Variants in GLRX observed in about 807,000 individuals in gnomAD.
GLRX encodes the protein glutaredoxin-1.
GLRX carries 9 observed loss-of-function variants against 11.1 expected under a neutral mutation model. That is an observed-to-expected ratio of 0.81 (90% CI 0.49 to 1.42). GLRX has a LOEUF of 1.42. GLRX is among the 40% of genes most tolerant of loss of function. GLRX has a pLI of 0.00. For synonymous variants in GLRX, 49 were observed against 49.5 expected, an observed-to-expected ratio of 0.99 and a Z score of 0.04; for missense variants, 102 against 126.2, an observed-to-expected ratio of 0.81 and a Z score of 0.92.
At chr5:95,814,786 T>C (rs750314510) in intron 2 of GLRX, 3 of 152,596 alleles carry the variant, frequency 2.0e-5, no homozygotes, top group Admixed American at 6.6e-5. Flanking sequence ...AAAACCAAGA[T>C]GGCCCGTCAA....
At chr5:95,821,302 C>T (rs1747226924) in intron 1 of GLRX, among the ~76,000 whole-genome samples, 1 of 152,116 alleles carries the variant, frequency 6.6e-6, no homozygotes, top group Admixed American at 6.5e-5. Flanking sequence ...GTTTGCACTG[C>T]CCTTTACACC....
Position 95,814,146 on chromosome 5 carries a change from T to C in GLRX, c.*250A>G, listed in dbSNP as rs975902281. ...GATACACTCTTGGTGTAGGGGGCTGTAAGTTTTATCAGATGTTTTACATTT... is the reference window on the plus strand; with the variant it reads ...GATACACTCTTGGTGTAGGGGGCTGCAAGTTTTATCAGATGTTTTACATTT... On this transcript the variant is annotated 3_prime_UTR_variant, in exon 3 of 3. Coordinates refer to ENST00000237858, the MANE Select transcript of GLRX (RefSeq NM_001118890.2). 1.3e-5 allele frequency: 2 copies of C among 152,446 alleles called. No homozygotes were observed. Among genetic ancestry groups the C allele is most frequent in the Admixed American group, 1.3e-4 (2 of 15,286 alleles). The allele number at this position is 152,446 out of a possible 1,614,324, so 9.4% of individuals were successfully genotyped here.
chr5:95,822,477 T>C lies in GLRX; in HGVS notation c.186A>G (p.Gln62=). 1.9e-6 allele frequency: 3 copies of C among 1,613,866 alleles called. No homozygotes were observed. Among genetic ancestry groups the C allele is most frequent in the South Asian group, 1.1e-5 (1 of 91,070 alleles). Residue 62 remains glutamine, a synonymous_variant, in exon 1 of 3, where the codon CAA becomes CAG. Transcript: ENST00000237858. ...NHTNEIQDYL[Q]QLTGARTVPR... ...TCACCGTTCTTGCTCCCGTGAGCTG[T>C]TGCAAATAATCTTGAATCTCGTTAG...
In GLRX at chr5:95,814,301, T is replaced by A. The variant is rs572397637; in HGVS notation, c.*95A>T. On this transcript the variant is annotated 3_prime_UTR_variant, in exon 3 of 3. Coordinates refer to ENST00000237858, the MANE Select transcript of GLRX (RefSeq NM_001118890.2). The stretch of plus-strand genomic sequence containing the variant: ...TCTGCACTTGTGCCTCTGATCCATA[T>A]GACACCAAGACCAACTATGCTTTTC... 6.5e-6 allele frequency: 1 copy of A among 152,688 alleles called. No homozygotes were observed. The highest frequency in any genetic ancestry group is 2.4e-5 in the African/African-American group (1 of 41,464). The allele number at this position is 152,688 out of a possible 1,614,324, so 9.5% of individuals were successfully genotyped here.
Position 95,822,499 on chromosome 5 carries a change from T to G in GLRX, c.164A>C (p.Asn55Thr). The G allele has an allele frequency of 6.2e-7, 1 of 1,613,914 alleles. No homozygotes were observed. The highest frequency in any genetic ancestry group is 8.5e-7 in the Non-Finnish European group (1 of 1,179,826). Reference protein sequence around the residue: ...FVDITATNHTNEIQDYLQQLT... With the variant: ...FVDITATNHTTEIQDYLQQLT... ...CTGTTGCAAATAATCTTGAATCTCGTTAGTGTGGTTGGTGGCTGTGATATC... is the reference window on the plus strand; with the variant it reads ...CTGTTGCAAATAATCTTGAATCTCGGTAGTGTGGTTGGTGGCTGTGATATC... Residue 55 changes from asparagine to threonine, a missense_variant, in exon 1 of 3, where the codon AAC becomes ACC. Asn to Thr is a moderately conservative substitution (Grantham distance 65). Transcript: ENST00000237858.
At chr5:95,818,864 C>G (rs1301489607) in intron 1 of GLRX, 1 of 152,444 alleles carries the variant, frequency 6.6e-6, no homozygotes, top group African/African-American at 2.4e-5. Context: ...AACTCTCCTA[C>G]TGGCTCACAG....
chr5:95,817,467 T>G (rs1747043325), intron 1 of GLRX: 1 of 152,060 alleles, frequency 6.6e-6, no homozygotes, highest in Non-Finnish European at 1.5e-5. Context: ...GGTGTAGTGG[T>G]GTTTGAGTCT....
intron 1 of GLRX, 75 bp from the exon 2 acceptor site, chr5:95,816,701 T>C: frequency 2.5e-6 from 2 of 809,048 alleles, no homozygotes; most frequent in South Asian, 1.4e-5. Context: ...CCACTAAATA[T>C]TTCCCGTGAT....
chr5:95,822,336 CGCACAG>C, intron 1 of GLRX, 114 bp downstream of exon 1: 7 of 710,860 alleles, frequency 9.8e-6, no homozygotes, highest in Non-Finnish European at 1.2e-5. Flanking sequence ...CCCCCCGCCC[CGCACAG>C]CCCTCTGGAC....
intron 1 of GLRX, chr5:95,822,241 C>A: frequency 1.7e-6 from 1 of 586,954 alleles, no homozygotes. Flanking sequence ...GCTGTACTCC[C>A]TCTTCTGCCC....
Position 95,822,570 on chromosome 5 carries a change from C to T in GLRX, c.93G>A (p.Glu31=), listed in dbSNP as rs1341399906. 1.2e-6 allele frequency: 2 copies of T among 1,613,794 alleles called. No individual in the cohort carries two copies. The highest frequency in any genetic ancestry group is 1.7e-6 in the Non-Finnish European group (2 of 1,179,766). The change falls in exon 1 of 3, where the codon GAG becomes GAA. Residue 31 remains glutamate, a synonymous_variant. Coordinates refer to ENST00000237858, the MANE Select transcript of GLRX (RefSeq NM_001118890.2). ...PTCPYCRRAQ[E]ILSQLPIKQG... is the part of the protein sequence containing the mutation. ...GTTTGATGGGCAATTGACTGAGGAT[C>T]TCTTGGGCCCTCCTGCAGTACGGGC...
intron 2 of GLRX, among the ~76,000 whole-genome samples, chr5:95,815,946 A>G (rs1269495602): frequency 6.6e-6 from 1 of 152,106 alleles, no homozygotes; most frequent in African/African-American, 2.4e-5. Flanking sequence ...ACTGCACTTC[A>G]TTCACTCTAT....
At position 95,816,641 on chromosome 5, in the gene GLRX, G is replaced by T. The variant is rs764370233; in HGVS notation, c.208-15C>A. 2 of 1,202,644 alleles carry T rather than the reference G, an allele frequency of 1.7e-6. No homozygotes were observed. The highest frequency in any genetic ancestry group is 2.4e-5 in the South Asian group (2 of 82,864). 74.5% of individuals were successfully genotyped at this position (1,202,644 alleles called of 1,614,324 possible). ...ACTCGAGGCACCTAAAAAAGCACACGACCCAGGACATTACTACATTACTAG... is the reference window on the plus strand; with the variant it reads ...ACTCGAGGCACCTAAAAAAGCACACTACCCAGGACATTACTACATTACTAG... On this transcript the variant is annotated splice_polypyrimidine_tract_variant and intron_variant, in intron 1 of 2. Transcript: ENST00000237858.
intron 1 of GLRX, chr5:95,816,851 G>T (rs1190303976): frequency 1.8e-5 from 7 of 379,584 alleles, no homozygotes; most frequent in Admixed American, 4.3e-5. Flanking sequence ...TGCTATGCAT[G>T]AGCTTGTCCA....
intron 1 of GLRX, chr5:95,818,776 CA>C (rs1395909914): frequency 6.6e-6 from 1 of 152,340 alleles, no homozygotes; most frequent in Non-Finnish European, 1.5e-5. Flanking sequence ...CAGCACCCAC[CA>C]GGGGCATCTC....
At chr5:95,815,807 T>C (rs886427801) in intron 2 of GLRX, among the ~76,000 whole-genome samples, 1 of 152,252 alleles carries the variant, frequency 6.6e-6, no homozygotes, top group Admixed American at 6.5e-5. Context: ...ATAGAGTTGA[T>C]TTGCCAAGTG....
At chr5:95,820,691 C>CA (rs60659232) in intron 1 of GLRX, among the ~76,000 whole-genome samples, 42,779 of 105,828 alleles carry the variant, frequency 0.4, 7,550 homozygotes, top group East Asian at 0.74. Flanking sequence ...AATTCCATCT[C>CA]AAAAAAAAAA....
chr5:95,816,629 A>T lies in GLRX; in HGVS notation c.208-3T>A. 7.2e-7 allele frequency: 1 copy of T among 1,396,970 alleles called. No individual in the cohort carries two copies. Among genetic ancestry groups the T allele is most frequent in the Non-Finnish European group, 1.0e-6 (1 of 981,184 alleles). The allele number at this position is 1,396,970 out of a possible 1,614,324, so 86.5% of individuals were successfully genotyped here. On this transcript the variant is annotated splice_region_variant and splice_polypyrimidine_tract_variant and intron_variant, in intron 1 of 2. Coordinates refer to ENST00000237858, the MANE Select transcript of GLRX (RefSeq NM_001118890.2). ...TTACCAATAAAGACTCGAGGCACCT[A>T]AAAAAGCACACGACCCAGGACATTA...
rs368781201 is a variant in GLRX, at chr5:95,822,508, T to C, written c.155A>G (p.Asn52Ser). ...ATAATCTTGAATCTCGTTAGTGTGG[T>C]TGGTGGCTGTGATATCGACAAATTC... ...LLEFVDITAT[N>S]HTNEIQDYLQ... Residue 52 changes from asparagine to serine, a missense_variant, in exon 1 of 3, where the codon AAC becomes AGC. Physicochemically the swap from Asn to Ser is conservative, Grantham distance 46 (BLOSUM62 1). Coordinates refer to ENST00000237858, the MANE Select transcript of GLRX (RefSeq NM_001118890.2). 4 of 1,613,862 alleles carry C rather than the reference T, an allele frequency of 2.5e-6. No individual in the cohort carries two copies. In the African/African-American group the frequency reaches 5.3e-5, roughly 22 times the overall value.
Sources: gnomAD v4.1 joint callset for allele counts (sites outside exome capture counted in the v4.1 genomes callset) on GRCh38, gnomAD v4.1.1 for gene constraint, MANE v1.5 for transcripts, NCBI Gene and HGNC (gene_info 2026-07-23, HGNC 2026-07-21) for gene names.